The following LRIT2 variants were observed in gnomAD, a reference collection of about 807,000 sequenced individuals.
The protein encoded by LRIT2 is leucine rich repeat, Ig-like and transmembrane domains 2, also known as leucine-rich repeat, immunoglobulin-like domain and transmembrane domain-containing protein 2.
Under a neutral mutation model 22.4 loss-of-function variants are expected in LRIT2, and 23 were observed. The observed-to-expected ratio is 1.03, with a 90% CI of 0.74 to 1.45. The LOEUF is 1.45. Ranked by LOEUF, LRIT2 falls within the 40% of genes most tolerant of loss-of-function variation. The pLI, the probability that LRIT2 is intolerant of heterozygous loss-of-function variation, is 0.00. For synonymous variants in LRIT2, 291 were observed against 267.1 expected (o/e 1.09, Z -0.87); for missense variants, 784 against 665.6 (o/e 1.18, Z -1.96).
At chr10:84,225,250 T>C in intron 1 of LRIT2, 136 bp from the exon 2 acceptor site, 1 of 1,214,318 alleles carries the variant, frequency 8.2e-7, no homozygotes, top group Non-Finnish European at 1.1e-6. Context: ...TAGACTCATT[T>C]TGGTAAAAAT....
chr10:84,224,421 C>T lies in LRIT2; in HGVS notation c.804G>A (p.Gln268=). Residue 268 remains glutamine (Q), a synonymous_variant, in exon 2 of 3, where the codon CAG becomes CAA. Transcript: ENST00000372113. Reference sequence around the variant, plus strand: ...GTGCCAAGCATCGCAGGGTCACATTCTGTCCTGCCCGGATGGTGATATTGG... The same window carrying T: ...GTGCCAAGCATCGCAGGGTCACATTTTGTCCTGCCCGGATGGTGATATTGG... ...PSANITIRAG[Q]NVTLRCLAQA... 6.2e-7 allele frequency: 1 copy of T among 1,614,288 alleles called. No individual in the cohort carries two copies. Among genetic ancestry groups the T allele is most frequent in the Non-Finnish European group, 8.5e-7 (1 of 1,180,058 alleles).
intron 2 of LRIT2, among the ~76,000 whole-genome samples, chr10:84,223,272 A>C (rs1435529867): frequency 6.6e-6 from 1 of 152,166 alleles, no homozygotes; most frequent in Non-Finnish European, 1.5e-5. Flanking sequence ...CTACCTCATT[A>C]GTTTGAAAGT....
At position 84,222,215 on chromosome 10, in the gene LRIT2, T is replaced by A; in HGVS notation, c.1358A>T (p.Asp453Val). ...GQCVAFVTGR[D>V]AGGLEAREHL... ...CTCACGTGCCTCTAGCCCACCAGCA[T>A]CTCTGCCTGTTACAAAAGCTACACA... The change falls in exon 3 of 3, where the codon GAT (aspartate) becomes GTT (valine). Residue 453 changes from aspartate to valine, a missense_variant. Asp to Val is a radical substitution (Grantham distance 152). Transcript: ENST00000372113. 6.2e-7 allele frequency: 1 copy of A among 1,614,214 alleles called. No homozygotes were observed. The highest frequency in any genetic ancestry group is 2.2e-5 in the East Asian group (1 of 44,880).
At position 84,221,975 on chromosome 10, in the gene LRIT2, C is replaced by T. The variant is rs756383445; in HGVS notation, c.1598G>A (p.Gly533Glu). The change falls in exon 3 of 3, where the codon GGG becomes GAG. Residue 533 changes from glycine (G) to glutamate (E), a missense_variant. Physicochemically the swap from Gly to Glu is moderately conservative, Grantham distance 98. Coordinates refer to ENST00000372113, the MANE Select transcript of LRIT2 (RefSeq NM_001017924.5). ...EHPAVCDDGE[G>E]HIDTEGDKEK... Reference sequence around the variant, plus strand: ...CTTGTCCCCCTCAGTGTCTATGTGCCCTTCACCGTCATCACAGACAGCTGG... The same window carrying T: ...CTTGTCCCCCTCAGTGTCTATGTGCTCTTCACCGTCATCACAGACAGCTGG... 1 of 1,573,308 alleles carries T rather than the reference C, an allele frequency of 6.4e-7. No homozygotes were observed. Among genetic ancestry groups the T allele is most frequent in the Non-Finnish European group, 8.6e-7 (1 of 1,158,304 alleles).
rs770963212 is a variant in LRIT2, at chr10:84,224,789, C to T, written c.436G>A (p.Ala146Thr). 3.1e-6 allele frequency: 5 copies of T among 1,613,874 alleles called. No individual in the cohort carries two copies. In the African/African-American group the frequency reaches 6.7e-5, roughly 22 times the overall value. Residue 146 changes from alanine to threonine, a missense_variant, in exon 2 of 3, where the codon GCT becomes ACT. Coordinates refer to ENST00000372113, the MANE Select transcript of LRIT2 (RefSeq NM_001017924.5). ...RNKIDALPELALQFLVSLTYL... is the reference protein window; with the variant it reads ...RNKIDALPELTLQFLVSLTYL... Reference sequence around the variant, plus strand: ...GTCAGGCTGACCAAGAATTGAAGAGCCAGCTCAGGGAGTGCATCAATCTTG... The same window carrying T: ...GTCAGGCTGACCAAGAATTGAAGAGTCAGCTCAGGGAGTGCATCAATCTTG...
At position 84,222,472 on chromosome 10, in the gene LRIT2, G is replaced by T. The variant is rs765002382; in HGVS notation, c.1101C>A (p.Asp367Glu). ...SIPSEGNAYIDLRVVKQTVHG... is the reference protein window; with the variant it reads ...SIPSEGNAYIELRVVKQTVHG... Reference sequence around the variant, plus strand: ...GCACTGTCTGCTTGACAACCCGCAGGTCAATGTAGGCATTGCCCTCCGAGG... The same window carrying T: ...GCACTGTCTGCTTGACAACCCGCAGTTCAATGTAGGCATTGCCCTCCGAGG... The change falls in exon 3 of 3, where the codon GAC becomes GAA. Residue 367 changes from aspartate (D) to glutamate (E), a missense_variant. By Grantham distance (45) the Asp-to-Glu change is conservative (BLOSUM62 2). Transcript: ENST00000372113. 6.2e-7 allele frequency: 1 copy of T among 1,613,932 alleles called. No individual in the cohort carries two copies. Among genetic ancestry groups the T allele is most frequent in the African/African-American group, 1.3e-5 (1 of 74,888 alleles).
chr10:84,225,120 C>G lies in LRIT2; in HGVS notation c.111-6G>C. 1.3e-6 allele frequency: 2 copies of G among 1,596,392 alleles called. No individual in the cohort carries two copies. Among genetic ancestry groups the G allele is most frequent in the Non-Finnish European group, 1.7e-6 (2 of 1,171,080 alleles). On this transcript the variant is annotated splice_region_variant and splice_polypyrimidine_tract_variant and intron_variant, in intron 1 of 2. Transcript: ENST00000372113. Reference sequence around the variant, plus strand: ...CAGATGTGCACTGCAGAGTCCTGTACAAGAAACCAGAACAGCTTTAAGATA... The same window carrying G: ...CAGATGTGCACTGCAGAGTCCTGTAGAAGAAACCAGAACAGCTTTAAGATA...
chr10:84,222,591 T>G lies in LRIT2; in HGVS notation c.982A>C (p.Met328Leu), dbSNP rs139836335. The G allele has an allele frequency of 4.2e-5, 68 of 1,614,052 alleles. No homozygotes were observed. In the African/African-American group the frequency reaches 7.7e-4, roughly 18 times the overall value. Residue 328 changes from methionine to leucine, a missense_variant, in exon 3 of 3, where the codon ATG (methionine) becomes CTG (leucine). Met to Leu is a conservative substitution (Grantham distance 15). Transcript: ENST00000372113. ...HLVDSGNYTCMASNSIGKSNL... is the reference protein window; with the variant it reads ...HLVDSGNYTCLASNSIGKSNL... ...CTCTTGCCAATGGAGTTGGAGGCCATGCAGGTGTAATTACCACTGTCTACC... is the reference window on the plus strand; with the variant it reads ...CTCTTGCCAATGGAGTTGGAGGCCAGGCAGGTGTAATTACCACTGTCTACC...
chr10:84,223,762 G>A (rs1842534534), intron 2 of LRIT2, among the ~76,000 whole-genome samples: 1 of 152,186 alleles, frequency 6.6e-6, no homozygotes, highest in South Asian at 2.1e-4. Flanking sequence ...GAGGGTTCCA[G>A]GAAGGAAGAG....
chr10:84,222,780 T>G, intron 2 of LRIT2, 100 bp from the exon 3 acceptor site: 1 of 1,414,832 alleles, frequency 7.1e-7, no homozygotes, highest in Non-Finnish European at 9.8e-7. Context: ...TTGTTTTTTG[T>G]TATTGTTGTT....
At position 84,222,195 on chromosome 10, in the gene LRIT2, G is replaced by A. The variant is rs781664775; in HGVS notation, c.1378C>T (p.Arg460Cys). Reference sequence around the variant, plus strand: ...ACTGTGACATGCAGGAGGTGCTCACGTGCCTCTAGCCCACCAGCATCTCTG... The same window carrying A: ...ACTGTGACATGCAGGAGGTGCTCACATGCCTCTAGCCCACCAGCATCTCTG... ...TGRDAGGLEA[R>C]EHLLHVTVVL... The change falls in exon 3 of 3, where the codon CGT becomes TGT. Residue 460 changes from arginine to cysteine, a missense_variant. By Grantham distance (180) the Arg-to-Cys change is radical. Coordinates refer to ENST00000372113, the MANE Select transcript of LRIT2 (RefSeq NM_001017924.5). 29 of 1,614,054 alleles carry A rather than the reference G, an allele frequency of 1.8e-5. No homozygotes were observed. The highest frequency in any genetic ancestry group is 4.5e-5 in the East Asian group (2 of 44,894).
Position 84,222,711 on chromosome 10 carries a change from C to T in LRIT2, c.893-31G>A, listed in dbSNP as rs760171608. ...TGGAAAGAAAAACAAAACAGCTGTG[C>T]ATTTATCTGATAGACTGCTGGAAAG... On this transcript the variant is annotated intron_variant, in intron 2 of 2. Coordinates refer to ENST00000372113, the MANE Select transcript of LRIT2 (RefSeq NM_001017924.5). The T allele has an allele frequency of 4.3e-6, 7 of 1,610,590 alleles. No individual in the cohort carries two copies. The East Asian group carries it at 1.6e-4, about 36-fold the overall frequency.
In LRIT2 at chr10:84,221,864, G is replaced by C; in HGVS notation, c.*56C>G. The C allele has an allele frequency of 2.0e-6, 3 of 1,481,906 alleles. No homozygotes were observed. Among genetic ancestry groups the C allele is most frequent in the Non-Finnish European group, 2.7e-6 (3 of 1,106,368 alleles). 91.8% of individuals were successfully genotyped at this position (1,481,906 alleles called of 1,614,324 possible). A position where few individuals can be genotyped will look rare whatever the true frequency, so the allele number is the denominator to read the frequency against. ...GATAAATGGATGGAGCTGCTGCAGA[G>C]GGTTGGTTTCAGAGGCTTGAAGCCC... On this transcript the variant is annotated 3_prime_UTR_variant, in exon 3 of 3. Coordinates refer to ENST00000372113, the MANE Select transcript of LRIT2 (RefSeq NM_001017924.5).
In LRIT2 at chr10:84,225,483, A is replaced by G. The variant is rs768661267; in HGVS notation, c.38T>C (p.Val13Ala). 2 of 1,614,188 alleles carry G rather than the reference A, an allele frequency of 1.2e-6. No homozygotes were observed. The stretch of plus-strand genomic sequence containing the variant: ...CTGAGCTGCGTGTGTATCCAGAAAG[A>G]CCAGAACTAACAGGAAGTAATGAAA... The part of the protein sequence containing the change: ...SVFHYFLLVL[V>A]FLDTHAAQPF... The change falls in exon 1 of 3, where the codon GTC becomes GCC. Residue 13 changes from valine (V) to alanine (A), a missense_variant. By Grantham distance (64) the Val-to-Ala change is moderately conservative (BLOSUM62 0). Transcript: ENST00000372113.
chr10:84,222,033 G>A lies in LRIT2; in HGVS notation c.1540C>T (p.Pro514Ser). 1 of 1,610,724 alleles carries A rather than the reference G, an allele frequency of 6.2e-7. No individual in the cohort carries two copies. The highest frequency in any genetic ancestry group is 1.1e-5 in the South Asian group (1 of 90,554). Residue 514 changes from proline to serine, a missense_variant, in exon 3 of 3, where the codon CCG (proline) becomes TCG (serine). Coordinates refer to ENST00000372113, the MANE Select transcript of LRIT2 (RefSeq NM_001017924.5). ...CTAAAGGAGCCATCCTTGGACTGCG[G>A]GGCTGCAGGGGTGCAGCTGGGGGCT... ...RKAPSCTPAA[P>S]QSKDGSFREH... is the part of the protein sequence containing the mutation.
intron 2 of LRIT2, chr10:84,222,984 G>C: frequency 1.6e-6 from 1 of 639,410 alleles, no homozygotes; most frequent in Non-Finnish European, 2.8e-6. Context: ...AATCTATGAA[G>C]ACCATACTCT....
In LRIT2 at chr10:84,221,746, G is replaced by T. The variant is rs1202947778; in HGVS notation, c.*174C>A. The T allele has an allele frequency of 4.3e-6, 2 of 466,624 alleles. No individual in the cohort carries two copies. The highest frequency in any genetic ancestry group is 7.4e-6 in the Non-Finnish European group (2 of 270,776). The allele number at this position is 466,624 out of a possible 1,614,324, so 28.9% of individuals were successfully genotyped here. ...ATAATGACTATGTCCCCTTTATCAT[G>T]AAGATAAAGACTCTGTTTCCCTTTT... On this transcript the variant is annotated 3_prime_UTR_variant, in exon 3 of 3. Transcript: ENST00000372113.
rs1392817293 is a variant in LRIT2, at chr10:84,221,904, C to T, written c.*16G>A. The stretch of plus-strand genomic sequence containing the variant: ...GCTTGAAGCCCAAGCCGTTTCCACC[C>T]CATGGCCTGGGTTGTTCAGCTGTTG... On this transcript the variant is annotated 3_prime_UTR_variant, in exon 3 of 3. Coordinates refer to ENST00000372113, the MANE Select transcript of LRIT2 (RefSeq NM_001017924.5). 2.0e-6 allele frequency: 3 copies of T among 1,512,528 alleles called. No individual in the cohort carries two copies. The East Asian group carries it at 6.8e-5, about 34-fold the overall frequency. The allele number at this position is 1,512,528 out of a possible 1,614,324, so 93.7% of individuals were successfully genotyped here. A position where few individuals can be genotyped will look rare whatever the true frequency, so the allele number is the denominator to read the frequency against.
In LRIT2 at chr10:84,220,708, T is replaced by G. The variant is rs1362177229; in HGVS notation, c.*1212A>C. 2.0e-5 allele frequency: 3 copies of G among 152,144 alleles called. No individual in the cohort carries two copies. The highest frequency in any genetic ancestry group is 6.5e-5 in the Admixed American group (1 of 15,276). 9.4% of individuals were successfully genotyped at this position (152,144 alleles called of 1,614,324 possible). A position where few individuals can be genotyped will look rare whatever the true frequency, so the allele number is the denominator to read the frequency against. On this transcript the variant is annotated 3_prime_UTR_variant, in exon 3 of 3. Coordinates refer to ENST00000372113, the MANE Select transcript of LRIT2 (RefSeq NM_001017924.5). ...TTGCCTGCAAATGTCTCACAACCAA[T>G]GGACACAATGTGCATACTGTCCTTT...
Sources: gnomAD v4.1 joint callset for allele counts (sites outside exome capture counted in the v4.1 genomes callset) on GRCh38, gnomAD v4.1.1 for gene constraint, MANE v1.5 for transcripts, NCBI Gene and HGNC (gene_info 2026-07-23, HGNC 2026-07-21) for gene names.